The following ZNF512B variants were observed in gnomAD, a reference collection of about 807,000 sequenced individuals.
The protein encoded by ZNF512B is zinc finger protein 512B.
A neutral mutation model predicts 87.8 loss-of-function variants in ZNF512B; 22 were observed. The observed-to-expected ratio is 0.25, with a 90% CI of 0.18 to 0.36. The LOEUF (loss-of-function observed/expected upper bound fraction) is 0.36. Among genes scored for constraint, ZNF512B ranks in the 10% least tolerant of loss-of-function variants. The pLI is 1.00. For missense variants in ZNF512B, 1,060 were observed against 1,231.6 expected, an observed-to-expected ratio of 0.86 and a Z score of 2.09; for synonymous variants, 524 against 490.9, an observed-to-expected ratio of 1.07 and a Z score of -0.89.
Position 63,962,134 on chromosome 20 carries a change from G to A in ZNF512B, c.2266-130C>T, listed in dbSNP as rs147302291. 1,652 of 1,294,070 alleles carry A rather than the reference G, an allele frequency of 1.3e-3. 4 individuals carry two copies. The highest frequency in any genetic ancestry group is 2.1e-3 in the Admixed American group (100 of 48,448). The allele number at this position is 1,294,070 out of a possible 1,614,324, so 80.2% of individuals were successfully genotyped here. On this transcript the variant is annotated intron_variant, in intron 14 of 16. Transcript: ENST00000369888. ...AGGGGGTGTGAGTCCTGGGGACTGGGCAGGCTGGGCATGTGAGGCCTGGGG... is the reference window on the plus strand; with the variant it reads ...AGGGGGTGTGAGTCCTGGGGACTGGACAGGCTGGGCATGTGAGGCCTGGGG...
chr20:63,964,114 A>G lies in ZNF512B; in HGVS notation c.1437T>C (p.Thr479=), dbSNP rs775126336. The change falls in exon 8 of 17, where the codon ACT becomes ACC. Residue 479 remains threonine (T), a synonymous_variant. Transcript: ENST00000369888. Reference sequence around the variant, plus strand: ...CAGGGGCCGGTGCCTCCTTGCTGACAGTGATGGGGGCAGCTGGCACCTTCT... The same window carrying G: ...CAGGGGCCGGTGCCTCCTTGCTGACGGTGATGGGGGCAGCTGGCACCTTCT... ...ARKKVPAAPI[T]VSKEAPAPVA... 12 of 1,609,636 alleles carry G rather than the reference A, an allele frequency of 7.5e-6. No homozygotes were observed. The East Asian group carries it at 2.2e-4, about 30-fold the overall frequency.
intron 1 of ZNF512B, among the ~76,000 whole-genome samples, chr20:63,969,378 G>A (rs960494425): frequency 1.3e-5 from 2 of 152,138 alleles, no homozygotes; most frequent in African/African-American, 4.8e-5. Flanking sequence ...GCGGGGAGAG[G>A]GGGCTCCGCC....
Position 63,964,304 on chromosome 20 carries a change from CG to C in ZNF512B, c.1333+15del, listed in dbSNP as rs1227204020. 3.1e-6 allele frequency: 5 copies of C among 1,613,698 alleles called. No homozygotes were observed. In the Admixed American group the frequency reaches 8.3e-5, roughly 27 times the overall value. Reference sequence around the variant, plus strand: ...CAGCCCCAGCCCTGGAGGTGCACACCGGGCTGGGGTCTTACCTTTGAGCCCA... The same window carrying C: ...CAGCCCCAGCCCTGGAGGTGCACACCGGCTGGGGTCTTACCTTTGAGCCCA... On this transcript the variant is annotated intron_variant, in intron 7 of 16. Coordinates refer to ENST00000369888, the MANE Select transcript of ZNF512B (RefSeq NM_020713.3).
chr20:63,964,006 T>G, intron 8 of ZNF512B, 65 bp downstream of exon 8: 1 of 1,594,412 alleles, frequency 6.3e-7, no homozygotes, highest in Non-Finnish European at 8.5e-7. Flanking sequence ...TCAGCCCCCA[T>G]CCCTGTGCTG....
At position 63,962,325 on chromosome 20, in the gene ZNF512B, T is replaced by C; in HGVS notation, c.2213A>G (p.Glu738Gly). ...CTCCTTCACTTCATTCTTCCATGCCTCTAGCAGCTGGGGGTTCAGCGTGGG... is the reference window on the plus strand; with the variant it reads ...CTCCTTCACTTCATTCTTCCATGCCCCTAGCAGCTGGGGGTTCAGCGTGGG... Reference protein sequence around the residue: ...GLPTLNPQLLEAWKNEVKEKG... With the variant: ...GLPTLNPQLLGAWKNEVKEKG... The change falls in exon 14 of 17, where the codon GAG becomes GGG. Residue 738 changes from glutamate (E) to glycine (G), a missense_variant. By Grantham distance (98) the Glu-to-Gly change is moderately conservative (BLOSUM62 -2). Coordinates refer to ENST00000369888, the MANE Select transcript of ZNF512B (RefSeq NM_020713.3). The C allele has an allele frequency of 6.2e-7, 1 of 1,612,984 alleles. No homozygotes were observed. The highest frequency in any genetic ancestry group is 1.1e-5 in the South Asian group (1 of 91,086).
At position 63,966,721 on chromosome 20, in the gene ZNF512B, T is replaced by C. The variant is rs1393282079; in HGVS notation, c.454A>G (p.Lys152Glu). 1.9e-6 allele frequency: 3 copies of C among 1,608,344 alleles called. No homozygotes were observed. The highest frequency in any genetic ancestry group is 2.5e-6 in the Non-Finnish European group (3 of 1,177,642). ...ATCCGGTGTTTCTCCAGCTGGGTCT[T>C]AGAGGTGAATGCGGCCTCGCAGAAG... ...CPFCEAAFTS[K>E]TQLEKHRIWN... The change falls in exon 5 of 17, where the codon AAG becomes GAG. Residue 152 changes from lysine to glutamate, a missense_variant. Physicochemically the swap from Lys to Glu is moderately conservative, Grantham distance 56 (BLOSUM62 1). Around this residue, in one of 9 missense-constraint regions of ZNF512B, gnomAD observed 32 missense variants for 68.0 expected, o/e 0.47. Transcript: ENST00000369888.
In ZNF512B at chr20:63,966,342, A is replaced by G. The variant is rs1435577751; in HGVS notation, c.833T>C (p.Val278Ala). The G allele has an allele frequency of 6.3e-7, 1 of 1,594,272 alleles. No individual in the cohort carries two copies. Among genetic ancestry groups the G allele is most frequent in the South Asian group, 1.1e-5 (1 of 89,408 alleles). ...TTTCGTAACTGTCACAAGCTTTGTT[A>G]CCGTAATGGGTTTGGTGACAGGTAC... ...KPVPVTKPIT[V>A]TKLVTVTKPV... Residue 278 changes from valine (V) to alanine (A), a missense_variant, in exon 5 of 17, where the codon GTA becomes GCA. Val to Ala is a moderately conservative substitution (Grantham distance 64). Coordinates refer to ENST00000369888, the MANE Select transcript of ZNF512B (RefSeq NM_020713.3).
chr20:63,962,202 C>T (rs550958202), intron 14 of ZNF512B, 71 bp downstream of exon 14: 23 of 1,486,488 alleles, frequency 1.5e-5, no homozygotes, highest in Non-Finnish European at 1.9e-5. Context: ...TCTGTTCCTG[C>T]TCAGAGGGCC....
rs775476236 is a variant in ZNF512B at position 63,963,606 on chromosome 20, G to A, written c.1698+12C>T. On this transcript the variant is annotated intron_variant, in intron 10 of 16. Coordinates refer to ENST00000369888, the MANE Select transcript of ZNF512B (RefSeq NM_020713.3). The stretch of plus-strand genomic sequence containing the variant: ...AGGTCACGCTGGACGGGAGCTGGGG[G>A]CCCGACGGTACCTTGGCACTGTGCT... 5.0e-6 allele frequency: 8 copies of A among 1,613,074 alleles called. No individual in the cohort carries two copies. The highest frequency in any genetic ancestry group is 5.9e-6 in the Non-Finnish European group (7 of 1,179,878).
At chr20:63,963,985 A>G in intron 8 of ZNF512B, 72 bp from the exon 9 acceptor site, 2 of 1,597,668 alleles carry the variant, frequency 1.3e-6, no homozygotes, top group Admixed American at 1.7e-5. Context: ...CACAGAATCC[A>G]GTCTCCACAC....
In ZNF512B at chr20:63,963,000, C is replaced by A. The variant is rs149095552; in HGVS notation, c.1968+95G>T. ...AGGGGTGGGAAACACACGCGTTGGGCGGTACATGGACAAATACAGTTGGCA... is the reference window on the plus strand; with the variant it reads ...AGGGGTGGGAAACACACGCGTTGGGAGGTACATGGACAAATACAGTTGGCA... On this transcript the variant is annotated intron_variant, in intron 12 of 16. Coordinates refer to ENST00000369888, the MANE Select transcript of ZNF512B (RefSeq NM_020713.3). 7 of 1,410,604 alleles carry A rather than the reference C, an allele frequency of 5.0e-6. No individual in the cohort carries two copies. The Admixed American group carries it at 1.5e-4, about 30-fold the overall frequency. 87.4% of individuals were successfully genotyped at this position (1,410,604 alleles called of 1,614,324 possible).
Position 63,967,619 on chromosome 20 carries a change from G to A in ZNF512B, c.122-96C>T, listed in dbSNP as rs1257896100. On this transcript the variant is annotated intron_variant, in intron 2 of 16. Coordinates refer to ENST00000369888, the MANE Select transcript of ZNF512B (RefSeq NM_020713.3). ...ACAGTGAGCACCGCTGTCCCAACAC[G>A]AGGGCACCGGGGGCAGGGGCTGCGG... 10 of 1,498,632 alleles carry A rather than the reference G, an allele frequency of 6.7e-6. No homozygotes were observed. In the East Asian group the frequency reaches 6.9e-5, roughly 10 times the overall value. The allele number at this position is 1,498,632 out of a possible 1,614,324, so 92.8% of individuals were successfully genotyped here.
chr20:63,967,405 C>A lies in ZNF512B; in HGVS notation c.240G>T (p.Glu80Asp). 6.2e-7 allele frequency: 1 copy of A among 1,611,936 alleles called. No homozygotes were observed. Among genetic ancestry groups the A allele is most frequent in the Non-Finnish European group, 8.5e-7 (1 of 1,178,672 alleles). Reference sequence around the variant, plus strand: ...CAGGAATGTCTCGGAGGGCCTGGTTCTCGGCTTTTGGCCGCCCCTTTTTCT... The same window carrying A: ...CAGGAATGTCTCGGAGGGCCTGGTTATCGGCTTTTGGCCGCCCCTTTTTCT... The part of the protein sequence containing the change: ...EGKKKGRPKA[E>D]NQALRDIPLS... The change falls in exon 3 of 17, where the codon GAG becomes GAT. Residue 80 changes from glutamate to aspartate, a missense_variant. By Grantham distance (45) the Glu-to-Asp change is conservative (BLOSUM62 2). Transcript: ENST00000369888.
chr20:63,968,211 C>T lies in ZNF512B; in HGVS notation c.-2-259G>A, dbSNP rs542576357. 1.0e-3 allele frequency among the ~76,000 whole-genome samples: 159 copies of T among 152,310 alleles called. 2 individuals are homozygous for T. The highest frequency in any genetic ancestry group is 3.6e-3 in the African/African-American group (151 of 41,568). ...ATCTAGTCCTGTCCTGAGACCCTCA[C>T]CAACTTCCAGACCCCCTTCCCAACA... On this transcript the variant is annotated intron_variant, in intron 1 of 16. Coordinates refer to ENST00000369888, the MANE Select transcript of ZNF512B (RefSeq NM_020713.3).
chr20:63,967,855 T>A lies in ZNF512B; in HGVS notation c.96A>T (p.Pro32=). The stretch of plus-strand genomic sequence containing the variant: ...CCATCTTCGGTGGGTCATGCAGCAT[T>A]GGAAGTCGGACCTCCTTTCGGCTGC... ...KDGSRKEVRL[P]MLHDPPKMGM... is the part of the protein sequence containing the mutation. The change falls in exon 2 of 17, where the codon CCA becomes CCT. Residue 32 remains proline, a synonymous_variant. Coordinates refer to ENST00000369888, the MANE Select transcript of ZNF512B (RefSeq NM_020713.3). 6.2e-7 allele frequency: 1 copy of A among 1,613,386 alleles called. No homozygotes were observed. The highest frequency in any genetic ancestry group is 2.2e-5 in the East Asian group (1 of 44,876).
rs2058938969 is a variant in ZNF512B, at chr20:63,967,368, T to C, written c.264+13A>G. On this transcript the variant is annotated intron_variant, in intron 3 of 16. Transcript: ENST00000369888. ...CCCAGCATGAGCCCCACCATGGCCC[T>C]GAGGGAGCTCACAGGAATGTCTCGG... The C allele has an allele frequency of 1.9e-6, 3 of 1,592,500 alleles. No individual in the cohort carries two copies. Among genetic ancestry groups the C allele is most frequent in the Non-Finnish European group, 2.6e-6 (3 of 1,167,386 alleles).
At chr20:63,967,636 G>A (rs976904642) in intron 2 of ZNF512B, 113 bp from the exon 3 acceptor site, 2 of 1,490,236 alleles carry the variant, frequency 1.3e-6, no homozygotes, top group Non-Finnish European at 1.8e-6. Flanking sequence ...CCGGGGGCAG[G>A]GGCTGCGGCC....
At chr20:63,962,445 T>C in intron 13 of ZNF512B, 71 bp from the exon 14 acceptor site, 1 of 1,560,652 alleles carries the variant, frequency 6.4e-7, no homozygotes, top group Non-Finnish European at 8.7e-7. Flanking sequence ...AACACTCGCC[T>C]CGGCAGCAGG....
Position 63,959,014 on chromosome 20 carries a change from C to T in ZNF512B, c.*874G>A, listed in dbSNP as rs1462926644. On this transcript the variant is annotated 3_prime_UTR_variant, in exon 17 of 17. Coordinates refer to ENST00000369888, the MANE Select transcript of ZNF512B (RefSeq NM_020713.3). ...ACCCCAGGGCCCGAACTAGTCCGTC[C>T]CTACTCCACGAGGCTGCTCCAACCT... The T allele has an allele frequency of 6.5e-6, 1 of 152,710 alleles. No individual in the cohort carries two copies. Among genetic ancestry groups the T allele is most frequent in the East Asian group, 1.9e-4 (1 of 5,206 alleles). 9.5% of individuals were successfully genotyped at this position (152,710 alleles called of 1,614,324 possible). A position where few individuals can be genotyped will look rare whatever the true frequency, so the allele number is the denominator to read the frequency against.
Sources: gnomAD v4.1 joint callset for allele counts (sites outside exome capture counted in the v4.1 genomes callset) on GRCh38, gnomAD v4.1.1 for gene constraint, gnomAD v4.1.1 regional missense constraint, MANE v1.5 for transcripts, NCBI Gene and HGNC (gene_info 2026-07-23, HGNC 2026-07-21) for gene names.